The following SYCE3 variants were observed in gnomAD, a reference collection of about 807,000 sequenced individuals.
SYCE3 encodes synaptonemal complex central element protein 3, also known as testis highly expressed gene 2 protein.
In SYCE3, 3 loss-of-function variants were observed where a neutral mutation model predicts 8.1. That is an observed-to-expected ratio of 0.37 (90% CI 0.17 to 0.96). The LOEUF (loss-of-function observed/expected upper bound fraction) is 0.96. Ranked by LOEUF, SYCE3 falls within the 40% of genes least tolerant of loss-of-function variation. The probability of loss-of-function intolerance (pLI) is 0.41; values close to 1 mark genes in which losing one functional copy is unlikely to be tolerated. For synonymous variants in SYCE3, 36 were observed against 38.7 expected, an observed-to-expected ratio of 0.93 and a Z score of 0.26; for missense variants, 83 against 110.0, an observed-to-expected ratio of 0.75 and a Z score of 1.10.
At chr22:50,556,702 C>A (rs2069863198) in intron 1 of SYCE3, among the ~76,000 whole-genome samples, 1 of 152,214 alleles carries the variant, frequency 6.6e-6, no homozygotes, top group African/African-American at 2.4e-5. Context: ...TGAAAAAAGT[C>A]TGTCATAATG....
intron 1 of SYCE3, among the ~76,000 whole-genome samples, chr22:50,560,147 CA>C (rs1422121775): frequency 6.6e-6 from 1 of 152,044 alleles, no homozygotes; most frequent in African/African-American, 2.4e-5. Flanking sequence ...TGTAGAGTCA[CA>C]GGGGTATTTT....
At chr22:50,553,412 T>G (rs1217039009) in intron 2 of SYCE3, among the ~76,000 whole-genome samples, 1 of 152,180 alleles carries the variant, frequency 6.6e-6, no homozygotes. Context: ...CAAATTACTC[T>G]TATAATTGTC....
intron 2 of SYCE3, among the ~76,000 whole-genome samples, chr22:50,554,414 C>T (rs1336221697): frequency 6.6e-6 from 1 of 152,068 alleles, no homozygotes; most frequent in Non-Finnish European, 1.5e-5. Context: ...TGTTTGCTGG[C>T]TGGGCGTGGT....
At chr22:50,554,677 G>C (rs2148698311) in intron 2 of SYCE3, among the ~76,000 whole-genome samples, 1 of 128,152 alleles carries the variant, frequency 7.8e-6, no homozygotes, top group East Asian at 2.7e-4. Context: ...CTGGACGACA[G>C]AGCAAGACTC....
chr22:50,553,502 T>C (rs1477661821), intron 2 of SYCE3, among the ~76,000 whole-genome samples: 1 of 152,162 alleles, frequency 6.6e-6, no homozygotes, highest in African/African-American at 2.4e-5. Flanking sequence ...TGAATCTCCC[T>C]CATTTGGCAT....
intron 2 of SYCE3, among the ~76,000 whole-genome samples, chr22:50,554,348 A>G (rs146342123): frequency 1.2e-4 from 19 of 152,264 alleles, no homozygotes; most frequent in African/African-American, 3.9e-4. Context: ...TAGGTGTCAA[A>G]ATAATGGCAA....
chr22:50,555,053 C>A (rs1407347723), intron 2 of SYCE3, among the ~76,000 whole-genome samples: 1 of 151,582 alleles, frequency 6.6e-6, no homozygotes, highest in Non-Finnish European at 1.5e-5. Context: ...ACCCGGGAGG[C>A]GGAGCTTGCA....
Position 50,556,929 on chromosome 22 carries a change from G to A in SYCE3, c.1-524C>T, listed in dbSNP as rs58085213. On this transcript the variant is annotated intron_variant, in intron 1 of 2. Transcript: ENST00000406915. ...CATCAAGCGATGGGAGCCTGGAGGC[G>A]GGTACGTTTAATTTTAAAATATGAA... Among the ~76,000 whole-genome samples, 1,498 of 152,076 alleles carry A rather than the reference G, an allele frequency of 9.9e-3. 23 individuals are homozygous for A. The highest frequency in any genetic ancestry group is 0.033 in the African/African-American group (1,365 of 41,478).
chr22:50,551,196 C>T lies in SYCE3; in HGVS notation c.*49G>A, dbSNP rs905621620. The T allele has an allele frequency of 2.6e-6, 4 of 1,544,010 alleles. No individual in the cohort carries two copies. The highest frequency in any genetic ancestry group is 3.5e-6 in the Non-Finnish European group (4 of 1,142,190). On this transcript the variant is annotated 3_prime_UTR_variant, in exon 3 of 3. Coordinates refer to ENST00000406915, the MANE Select transcript of SYCE3 (RefSeq NM_001123225.3). ...TGCCAGCTCCATCCCCCAGTGACCTCTTCATACGGGCAGAGGGTGGCATGG... is the reference window on the plus strand; with the variant it reads ...TGCCAGCTCCATCCCCCAGTGACCTTTTCATACGGGCAGAGGGTGGCATGG...
At chr22:50,552,423 G>A (rs908430109) in intron 2 of SYCE3, among the ~76,000 whole-genome samples, 3 of 151,822 alleles carry the variant, frequency 2.0e-5, no homozygotes, top group African/African-American at 2.4e-5. Context: ...GAGGCCAAGG[G>A]GGGTAGATCA....
intron 1 of SYCE3, among the ~76,000 whole-genome samples, chr22:50,561,710 G>C (rs1236510598): frequency 6.6e-6 from 1 of 152,006 alleles, no homozygotes; most frequent in Non-Finnish European, 1.5e-5. Context: ...TGAGAACAAG[G>C]AATGTGAGGG....
intron 1 of SYCE3, among the ~76,000 whole-genome samples, chr22:50,560,741 CA>C (rs1457034947): frequency 6.6e-6 from 1 of 151,954 alleles, no homozygotes; most frequent in Non-Finnish European, 1.5e-5. Context: ...CCTGAAGAAT[CA>C]GAAGAAAGGG....
chr22:50,557,785 A>C (rs2069875624), intron 1 of SYCE3, among the ~76,000 whole-genome samples: 1 of 152,212 alleles, frequency 6.6e-6, no homozygotes, highest in Non-Finnish European at 1.5e-5. Context: ...TGAAGGAATG[A>C]GCCAGGTAAG....
At chr22:50,554,989 G>A (rs1281793922) in intron 2 of SYCE3, among the ~76,000 whole-genome samples, 3 of 151,960 alleles carry the variant, frequency 2.0e-5, no homozygotes, top group Admixed American at 1.3e-4. Context: ...AGGCGTGGTG[G>A]CGGGCGCCTG....
intron 1 of SYCE3, among the ~76,000 whole-genome samples, chr22:50,556,729 T>G (rs1439064057): frequency 6.6e-6 from 1 of 152,230 alleles, no homozygotes; most frequent in Non-Finnish European, 1.5e-5. Context: ...TGGAATTTTT[T>G]CTTGCAAAAC....
chr22:50,552,873 C>T (rs563729010), intron 2 of SYCE3, among the ~76,000 whole-genome samples: 2 of 152,166 alleles, frequency 1.3e-5, no homozygotes, highest in East Asian at 1.9e-4. Flanking sequence ...TCACTCTATG[C>T]AAGGATATGT....
chr22:50,557,721 G>C (rs913792114), intron 1 of SYCE3, among the ~76,000 whole-genome samples: 2 of 128,712 alleles, frequency 1.6e-5, no homozygotes, highest in African/African-American at 2.9e-5. Flanking sequence ...TAAGAAAAGA[G>C]AGAAATAGAT....
At chr22:50,552,386 C>T (rs922302544) in intron 2 of SYCE3, among the ~76,000 whole-genome samples, 2 of 152,142 alleles carry the variant, frequency 1.3e-5, no homozygotes, top group African/African-American at 4.8e-5. Context: ...GGTGCGGTGG[C>T]TCACGCCTGT....
At chr22:50,555,887 G>A (rs951979860) in intron 2 of SYCE3, among the ~76,000 whole-genome samples, 7 of 150,634 alleles carry the variant, frequency 4.6e-5, no homozygotes, top group African/African-American at 7.3e-5. Flanking sequence ...TCCACCTCCC[G>A]GGTTCATGCC....
Sources: gnomAD v4.1 joint callset for allele counts (sites outside exome capture counted in the v4.1 genomes callset) on GRCh38, gnomAD v4.1.1 for gene constraint, MANE v1.5 for transcripts, NCBI Gene and HGNC (gene_info 2026-07-23, HGNC 2026-07-21) for gene names.